The following CADM4 variants were observed in gnomAD, a reference collection of about 807,000 sequenced individuals.
CADM4 encodes cell adhesion molecule 4, also known as TSLC1-like 2.
Under a neutral mutation model 43.9 loss-of-function variants are expected in CADM4, and 13 were observed. That is an observed-to-expected ratio of 0.30 (90% CI 0.19 to 0.47). The LOEUF is 0.47. Ranked by LOEUF, CADM4 falls within the 20% of genes least tolerant of loss-of-function variation. The probability of loss-of-function intolerance (pLI) is 1.00; values close to 1 mark genes in which losing one functional copy is unlikely to be tolerated. For missense variants in CADM4, 420 were observed against 527.0 expected (o/e 0.80, Z 1.99); for synonymous variants, 209 against 220.9 (o/e 0.95, Z 0.48).
upstream of CADM4, among the ~76,000 whole-genome samples, chr19:43,640,842 C>G (rs1003756162): frequency 3.9e-5 from 6 of 152,112 alleles, no homozygotes; most frequent in African/African-American, 1.4e-4. Flanking sequence ...AGACCTGATG[C>G]GGGATCATTA....
rs1186865760 is a variant in CADM4 at position 43,623,902 on chromosome 19, C to T, written c.1057+212G>A. Among the ~76,000 whole-genome samples, 1 of 152,152 alleles carries T rather than the reference C, an allele frequency of 6.6e-6. No homozygotes were observed. The highest frequency in any genetic ancestry group is 1.5e-5 in the Non-Finnish European group (1 of 68,020). ...AGGCGTGAGCCACCGCGCCCAACCG[C>T]AAATCTATGCTTTTAATTCAGCTTC... On this transcript the variant is annotated intron_variant, in intron 8 of 8. Coordinates refer to ENST00000222374, the MANE Select transcript of CADM4 (RefSeq NM_145296.2). The surrounding 1 kb of genome is among the most constrained non-coding windows in gnomAD (Gnocchi z 4.4).
chr19:43,632,877 G>C (rs1182915017), intron 1 of CADM4, among the ~76,000 whole-genome samples: 1 of 151,928 alleles, frequency 6.6e-6, no homozygotes, highest in Non-Finnish European at 1.5e-5. Context: ...CTCAGGTCAG[G>C]AGTTCAAGAC....
rs1474208317 is a variant in CADM4, at chr19:43,639,783, C to A, written c.8G>T (p.Arg3Leu). 2 of 1,014,090 alleles carry A rather than the reference C, an allele frequency of 2.0e-6. No individual in the cohort carries two copies. The highest frequency in any genetic ancestry group is 5.4e-5 in the Admixed American group (1 of 18,358). 62.8% of individuals were successfully genotyped at this position (1,014,090 alleles called of 1,614,324 possible). Residue 3 changes from arginine to leucine, a missense_variant, in exon 1 of 9, where the codon CGG becomes CTG. Physicochemically the swap from Arg to Leu is moderately radical, Grantham distance 102 (BLOSUM62 -2). Coordinates refer to ENST00000222374, the MANE Select transcript of CADM4 (RefSeq NM_145296.2). ...CAGCGGCCACTGGAAGCGCCGGGCC[C>A]GGCCCATGGTGCCGCCGCCGCCGCC... MGRARRFQWPLLL... is the reference protein window; with the variant it reads MGLARRFQWPLLL...
rs1973485952 is a variant in CADM4 at position 43,624,187 on chromosome 19, G to A, written c.984C>T (p.Gly328=). The part of the protein sequence containing the change: ...QTSVPYAIVG[G]ILALLVFLII... ...TCAGAAACACCAGCAGCGCCAGGAT[G>A]CCGCCCACAATGGCATAGGGAACCG... The change falls in exon 8 of 9, where the codon GGC becomes GGT. Residue 328 remains glycine, a synonymous_variant. Transcript: ENST00000222374. 6.2e-7 allele frequency: 1 copy of A among 1,614,054 alleles called. No individual in the cohort carries two copies. Among genetic ancestry groups the A allele is most frequent in the Non-Finnish European group, 8.5e-7 (1 of 1,180,052 alleles).
At chr19:43,633,942 T>G (rs1469703324) in intron 1 of CADM4, among the ~76,000 whole-genome samples, 2 of 152,066 alleles carry the variant, frequency 1.3e-5, no homozygotes, top group African/African-American at 4.8e-5. Flanking sequence ...GCAATCCCCC[T>G]GCCTTGGCCT....
chr19:43,625,993 T>C lies in CADM4; in HGVS notation c.673A>G (p.Thr225Ala), dbSNP rs34246023. The C allele has an allele frequency of 9.4e-5, 151 of 1,613,826 alleles. No individual in the cohort carries two copies. In the African/African-American group the frequency reaches 1.9e-3, roughly 20 times the overall value. The change falls in exon 6 of 9, where the codon ACG (threonine) becomes GCG (alanine). Residue 225 changes from threonine (T) to alanine (A), a missense_variant. Coordinates refer to ENST00000222374, the MANE Select transcript of CADM4 (RefSeq NM_145296.2). This position sits in a 1 kb window ranked among gnomAD's most constrained non-coding sequence, Gnocchi z 4.5. ...GCTTGGGAGGCATGAATCCGGGCCGTGGGGGAGTCTGTTAGGCAAAAGTAA... is the reference window on the plus strand; with the variant it reads ...GCTTGGGAGGCATGAATCCGGGCCGCGGGGGAGTCTGTTAGGCAAAAGTAA... ...QYVLDVQYSP[T>A]ARIHASQAVV...
chr19:43,637,469 T>A (rs1206624331), intron 1 of CADM4, among the ~76,000 whole-genome samples: 1 of 152,112 alleles, frequency 6.6e-6, no homozygotes, highest in Non-Finnish European at 1.5e-5. Flanking sequence ...AAAATTATAC[T>A]AAAGGGTCCT....
At chr19:43,634,301 G>A (rs1045939638) in intron 1 of CADM4, among the ~76,000 whole-genome samples, 3 of 152,160 alleles carry the variant, frequency 2.0e-5, no homozygotes, top group Non-Finnish European at 4.4e-5. Context: ...AAAACATCTC[G>A]AAGCCTATCC....
rs556124347 is a variant in CADM4, at chr19:43,627,865, C to T, written c.65-75G>A. 2.0e-4 allele frequency: 284 copies of T among 1,453,136 alleles called. No individual in the cohort carries two copies. Among genetic ancestry groups the T allele is most frequent in the Middle Eastern group, 9.0e-4 (5 of 5,574 alleles). 90.0% of individuals were successfully genotyped at this position (1,453,136 alleles called of 1,614,324 possible). A position where few individuals can be genotyped will look rare whatever the true frequency, so the allele number is the denominator to read the frequency against. ...ATTCAATTTTTTCTTTCTCCCTCTT[C>T]CCCATCCAAACCTCCAATCCCTCTC... On this transcript the variant is annotated intron_variant, in intron 1 of 8. Coordinates refer to ENST00000222374, the MANE Select transcript of CADM4 (RefSeq NM_145296.2). The surrounding 1 kb of genome is among the most constrained non-coding windows in gnomAD (Gnocchi z 4.0).
intron 1 of CADM4, among the ~76,000 whole-genome samples, chr19:43,638,851 C>G (rs1474090587): frequency 6.6e-6 from 1 of 152,208 alleles, no homozygotes; most frequent in African/African-American, 2.4e-5. Flanking sequence ...TTTAGAATGC[C>G]CTGCCTGACT....
chr19:43,625,360 AAG>A lies in CADM4; in HGVS notation c.756-112_756-111del. On this transcript the variant is annotated intron_variant, in intron 6 of 8. Coordinates refer to ENST00000222374, the MANE Select transcript of CADM4 (RefSeq NM_145296.2). This position sits in a 1 kb window ranked among gnomAD's most constrained non-coding sequence, Gnocchi z 4.5. ...TCTCATCCCGCAGGGACCTCCAAAT[AAG>A]AGGCTTCCTGCTATCTCTTTCCTTT... 9.3e-7 allele frequency: 1 copy of A among 1,080,096 alleles called. No homozygotes were observed. The highest frequency in any genetic ancestry group is 1.3e-6 in the Non-Finnish European group (1 of 766,802). 66.9% of individuals were successfully genotyped at this position (1,080,096 alleles called of 1,614,324 possible).
At chr19:43,630,639 C>T (rs924023454) in intron 1 of CADM4, among the ~76,000 whole-genome samples, 1 of 152,070 alleles carries the variant, frequency 6.6e-6, no homozygotes, top group Non-Finnish European at 1.5e-5. Context: ...ATGACTTGCC[C>T]AAGTTCACAG....
chr19:43,626,102 T>A lies in CADM4; in HGVS notation c.664+22A>T, dbSNP rs745980215. 18 of 1,612,348 alleles carry A rather than the reference T, an allele frequency of 1.1e-5. No individual in the cohort carries two copies. In the South Asian group the frequency reaches 2.0e-4, roughly 18 times the overall value. On this transcript the variant is annotated intron_variant, in intron 5 of 8. Transcript: ENST00000222374. This position sits in a 1 kb window ranked among gnomAD's most constrained non-coding sequence, Gnocchi z 5.9. ...GTGGCTGGCGTTGGGATCCCTTGGG[T>A]CCTGGCCCGCCGGTCACTTACACTG... is the stretch of plus-strand genomic sequence containing the variant.
intron 1 of CADM4, among the ~76,000 whole-genome samples, chr19:43,633,218 C>T (rs1973653370): frequency 6.6e-6 from 1 of 151,966 alleles, no homozygotes; most frequent in Non-Finnish European, 1.5e-5. Flanking sequence ...AGATTATAGG[C>T]TCCTCCCACC....
intron 7 of CADM4, among the ~76,000 whole-genome samples, chr19:43,624,562 C>T (rs1239630969): frequency 1.3e-5 from 2 of 152,334 alleles, no homozygotes; most frequent in Admixed American, 1.3e-4. Flanking sequence ...GCCTAGGCCT[C>T]CCAAAGTACT....
Position 43,623,633 on chromosome 19 carries a change from ACT to A in CADM4, c.1058-196_1058-195del, listed in dbSNP as rs1044576827. ...AAGAGGTAAAAGCAGAATTAGGAAG[ACT>A]CCAAAAGCTCACCGAAAGTGCCACC... is the stretch of plus-strand genomic sequence containing the variant. On this transcript the variant is annotated intron_variant, in intron 8 of 8. Transcript: ENST00000222374. The surrounding 1 kb of genome is among the most constrained non-coding windows in gnomAD (Gnocchi z 4.4). Among the ~76,000 whole-genome samples the A allele has an allele frequency of 2.0e-5, 3 of 151,936 alleles. No individual in the cohort carries two copies. Among genetic ancestry groups the A allele is most frequent in the Admixed American group, 6.6e-5 (1 of 15,266 alleles).
At position 43,623,213 on chromosome 19, in the gene CADM4, G is replaced by GT. The variant is rs1973466540; in HGVS notation, c.*116dup. 6 of 754,158 alleles carry GT rather than the reference G, an allele frequency of 8.0e-6. No homozygotes were observed. Among genetic ancestry groups the GT allele is most frequent in the Non-Finnish European group, 1.2e-5 (5 of 424,162 alleles). The allele number at this position is 754,158 out of a possible 1,614,324, so 46.7% of individuals were successfully genotyped here. ...TGCCCAAGCGTCTGAGGTGTTAGTG[G>GT]TGGGGGGAGAAGCCCACCATCCCAG... On this transcript the variant is annotated 3_prime_UTR_variant, in exon 9 of 9. Transcript: ENST00000222374. The surrounding 1 kb of genome is among the most constrained non-coding windows in gnomAD (Gnocchi z 4.4).
At position 43,625,339 on chromosome 19, in the gene CADM4, A is replaced by T. The variant is rs1973506770; in HGVS notation, c.756-89T>A. 7 of 1,338,884 alleles carry T rather than the reference A, an allele frequency of 5.2e-6. No homozygotes were observed. Among genetic ancestry groups the T allele is most frequent in the Non-Finnish European group, 7.1e-6 (7 of 982,086 alleles). The allele number at this position is 1,338,884 out of a possible 1,614,324, so 82.9% of individuals were successfully genotyped here. A position where few individuals can be genotyped will look rare whatever the true frequency, so the allele number is the denominator to read the frequency against. ...TCAAGAATCTAGACATGCAACTCTC[A>T]TCCCGCAGGGACCTCCAAATAAGAG... is the stretch of plus-strand genomic sequence containing the variant. On this transcript the variant is annotated intron_variant, in intron 6 of 8. Coordinates refer to ENST00000222374, the MANE Select transcript of CADM4 (RefSeq NM_145296.2). The surrounding 1 kb of genome is among the most constrained non-coding windows in gnomAD (Gnocchi z 4.5).
chr19:43,634,975 G>A (rs1359901084), intron 1 of CADM4, among the ~76,000 whole-genome samples: 2 of 151,854 alleles, frequency 1.3e-5, no homozygotes, highest in African/African-American at 4.8e-5. Context: ...CCAGGAGTCT[G>A]GGCTGTCAGC....
Sources: allele counts gnomAD v4.1 joint callset (sites outside exome capture counted in the v4.1 genomes callset), GRCh38; gene constraint gnomAD v4.1.1; non-coding constraint Gnocchi (gnomAD v3.1); transcripts MANE v1.5; gene names NCBI Gene and HGNC (gene_info 2026-07-23, HGNC 2026-07-21).